The following OSBPL10 variants were observed in gnomAD, a reference collection of about 807,000 sequenced individuals.
OSBPL10 encodes oxysterol-binding protein-related protein 10.
A neutral mutation model predicts 81.7 loss-of-function variants in OSBPL10; 49 were observed. The ratio of observed to expected loss-of-function variants is 0.60; its 90% CI spans 0.48 to 0.76. The LOEUF is 0.76. OSBPL10 is among the 30% of genes least tolerant of loss of function. The pLI is 0.00. For missense variants in OSBPL10, 923 were observed against 987.8 expected (o/e 0.93, Z 0.88); for synonymous variants, 419 against 383.6 (o/e 1.09, Z -1.08).
intron 1 of OSBPL10, among the ~76,000 whole-genome samples, chr3:31,980,357 A>C: frequency 6.6e-6 from 1 of 152,186 alleles, no homozygotes; most frequent in East Asian, 1.9e-4. Context: ...GCAAGGCACA[A>C]ACTGGGGCAG....
upstream of OSBPL10, among the ~76,000 whole-genome samples, chr3:31,984,023 GT>G (rs145467997): frequency 4.0e-5 from 6 of 151,278 alleles, no homozygotes; most frequent in African/African-American, 9.7e-5. Flanking sequence ...AGCCTAAGGG[GT>G]TTTTTTTGTT....
At chr3:31,795,140 T>TAAAACC (rs1559468472) in intron 4 of OSBPL10, 13 of 121,788 alleles carry the variant, frequency 1.1e-4, no homozygotes, top group South Asian at 5.9e-4. Flanking sequence ...AAACCTTTTT[T>TAAAACC]TTTTTTTTTT....
At chr3:31,905,368 T>TTTTTTTTTTTC (rs869077578) in intron 1 of OSBPL10, among the ~76,000 whole-genome samples, 1 of 148,192 alleles carries the variant, frequency 6.7e-6, no homozygotes, top group African/African-American at 2.5e-5. Flanking sequence ...TTTTTTTTTT[T>TTTTTTTTTTTC]AGACGGACTC....
At chr3:31,939,723 C>T (rs1342187062) in intron 1 of OSBPL10, among the ~76,000 whole-genome samples, 1 of 152,156 alleles carries the variant, frequency 6.6e-6, no homozygotes, top group Non-Finnish European at 1.5e-5. Context: ...TTCATGCACA[C>T]ACTCCTGGGT....
At chr3:31,681,413 C>T (rs1307855564) in intron 8 of OSBPL10, among the ~76,000 whole-genome samples, 1 of 152,198 alleles carries the variant, frequency 6.6e-6, no homozygotes, top group African/African-American at 2.4e-5. Context: ...TGCATGCAAA[C>T]CCTAAATAAG....
Position 32,062,394 on chromosome 3 carries a change from C to A in OSBPL10, n.185+15002G>T, listed in dbSNP as rs1225749953. Among the ~76,000 whole-genome samples, 5 of 94,188 alleles carry A rather than the reference C, an allele frequency of 5.3e-5. 2 individuals carry two copies. Among genetic ancestry groups the A allele is most frequent in the African/African-American group, 1.4e-4 (5 of 36,524 alleles). 61.8% of individuals were successfully genotyped at this position (94,188 alleles called of 152,430 possible). ...TGCTGGGATTATAGGCATGAGCCAC[C>A]ACTCCTGGTTTGTTTATATGGCTAT... is the stretch of plus-strand genomic sequence containing the variant. On this transcript the variant is annotated intron_variant and non_coding_transcript_variant, in intron 1 of 3. Transcript: ENST00000479173.
At chr3:31,902,389 A>C (rs1455024667) in intron 1 of OSBPL10, among the ~76,000 whole-genome samples, 1 of 150,884 alleles carries the variant, frequency 6.6e-6, no homozygotes, top group Non-Finnish European at 1.5e-5. Flanking sequence ...CAGCCTTCCG[A>C]ATAGCTGGGA....
intron 2 of OSBPL10, among the ~76,000 whole-genome samples, chr3:32,024,394 G>T (rs1360692739): frequency 2.0e-5 from 3 of 148,710 alleles, no homozygotes; most frequent in African/African-American, 7.5e-5. Flanking sequence ...TCAATATTTT[G>T]TTGTTTTCAG....
At chr3:31,947,989 T>G (rs902612135) in intron 1 of OSBPL10, among the ~76,000 whole-genome samples, 6 of 152,214 alleles carry the variant, frequency 3.9e-5, no homozygotes, top group African/African-American at 1.4e-4. Context: ...AATCGTTGAC[T>G]TCACTAAGTG....
intron 4 of OSBPL10, among the ~76,000 whole-genome samples, chr3:31,798,068 C>CTG (rs1444456914): frequency 6.6e-6 from 1 of 152,130 alleles, no homozygotes; most frequent in Admixed American, 6.6e-5. Context: ...TGATAGCCTC[C>CTG]AGCCATACAT....
chr3:31,810,426 A>T (rs1316051479), intron 4 of OSBPL10, among the ~76,000 whole-genome samples: 2 of 151,222 alleles, frequency 1.3e-5, no homozygotes, highest in Admixed American at 6.6e-5. Flanking sequence ...AGTGAAAAAA[A>T]TGTTTATAAT....
intron 1 of OSBPL10, among the ~76,000 whole-genome samples, chr3:31,943,352 A>C (rs1697590049): frequency 1.3e-5 from 2 of 152,174 alleles, no homozygotes; most frequent in Admixed American, 1.3e-4. Context: ...CACTGCTTTC[A>C]ATTATTTTGG....
At chr3:31,803,508 T>TA (rs1265889157) in intron 4 of OSBPL10, among the ~76,000 whole-genome samples, 2 of 152,208 alleles carry the variant, frequency 1.3e-5, no homozygotes, top group Non-Finnish European at 2.9e-5. Context: ...ATTTTGGACT[T>TA]ACAGAGATGT....
chr3:31,758,328 T>C (rs980046918), intron 4 of OSBPL10, among the ~76,000 whole-genome samples: 1 of 152,154 alleles, frequency 6.6e-6, no homozygotes, highest in Non-Finnish European at 1.5e-5. Flanking sequence ...GAAATAAAAA[T>C]AAAATTCTAG....
chr3:31,768,558 A>G lies in OSBPL10; in HGVS notation c.730-20438T>C, dbSNP rs568058098. ...CCCAGATGTAAAATAAACACATGTA[A>G]TTCTTTCCACACTACAACATAAATA... is the stretch of plus-strand genomic sequence containing the variant. On this transcript the variant is annotated intron_variant, in intron 4 of 11. Coordinates refer to ENST00000396556, the MANE Select transcript of OSBPL10 (RefSeq NM_017784.5). Among the ~76,000 whole-genome samples, 10 of 128,770 alleles carry G rather than the reference A, an allele frequency of 7.8e-5. No homozygotes were observed. The South Asian group carries it at 2.0e-3, about 26-fold the overall frequency. The allele number at this position is 128,770 out of a possible 152,430, so 84.5% of individuals were successfully genotyped here.
intron 1 of OSBPL10, among the ~76,000 whole-genome samples, chr3:31,968,161 C>T (rs1373769242): frequency 6.6e-6 from 1 of 151,920 alleles, no homozygotes; most frequent in Non-Finnish European, 1.5e-5. Flanking sequence ...CCCTTAAATA[C>T]TTCAGTGCGT....
chr3:31,719,449 G>A (rs1696563733), intron 6 of OSBPL10, among the ~76,000 whole-genome samples: 1 of 152,014 alleles, frequency 6.6e-6, no homozygotes, highest in Admixed American at 6.6e-5. Flanking sequence ...AATACAAACG[G>A]CTAATAAATA....
chr3:31,913,842 G>C (rs371298347), intron 1 of OSBPL10, among the ~76,000 whole-genome samples: 2 of 152,182 alleles, frequency 1.3e-5, no homozygotes, highest in Non-Finnish European at 2.9e-5. Flanking sequence ...GAGAATGGGA[G>C]AACTCTCATA....
chr3:31,739,222 C>A (rs1373949306), intron 5 of OSBPL10, among the ~76,000 whole-genome samples: 2 of 152,066 alleles, frequency 1.3e-5, no homozygotes, highest in Non-Finnish European at 2.9e-5. Context: ...ACCACTATAC[C>A]TGGCTGAGGT....
Sources: allele counts gnomAD v4.1 joint callset (sites outside exome capture counted in the v4.1 genomes callset), GRCh38; gene constraint gnomAD v4.1.1; transcripts MANE v1.5; gene names NCBI Gene and HGNC (gene_info 2026-07-23, HGNC 2026-07-21).